Variants in KCND2 observed in about 807,000 individuals in gnomAD.
KCND2 encodes A-type voltage-gated potassium channel KCND2.
KCND2 carries 16 observed loss-of-function variants against 54.4 expected under a neutral mutation model. The observed-to-expected ratio is 0.29, with a 90% CI of 0.20 to 0.45. KCND2 has a LOEUF of 0.45. Among genes scored for constraint, KCND2 ranks in the 20% least tolerant of loss-of-function variants. The probability of loss-of-function intolerance (pLI) is 1.00; values close to 1 mark genes in which losing one functional copy is unlikely to be tolerated. For synonymous variants in KCND2, 317 were observed against 310.7 expected, an observed-to-expected ratio of 1.02 and a Z score of -0.21; for missense variants, 486 against 824.2, an observed-to-expected ratio of 0.59 and a Z score of 5.02.
chr7:120,416,192 A>G (rs6979386), intron 1 of KCND2, among the ~76,000 whole-genome samples: 37,728 of 152,022 alleles, frequency 0.25, 6,435 homozygotes, highest in East Asian at 0.57. Context: ...TTGAAAAGCT[A>G]ATATTATTAC....
chr7:120,355,974 A>C (rs913780250), intron 1 of KCND2, among the ~76,000 whole-genome samples: 2 of 152,178 alleles, frequency 1.3e-5, no homozygotes, highest in African/African-American at 4.8e-5. Flanking sequence ...AGAACATCGA[A>C]TCCATCTTTG....
intron 1 of KCND2, among the ~76,000 whole-genome samples, chr7:120,307,822 T>G (rs1799670113): frequency 6.6e-6 from 1 of 152,114 alleles, no homozygotes; most frequent in Non-Finnish European, 1.5e-5. Flanking sequence ...TCTGGGCTAT[T>G]TCATTAACAA....
intron 1 of KCND2, among the ~76,000 whole-genome samples, chr7:120,519,909 C>T (rs911026197): frequency 6.6e-6 from 1 of 151,956 alleles, no homozygotes; most frequent in African/African-American, 2.4e-5. Flanking sequence ...TTTATGCAAT[C>T]AAAGTTAATA....
At chr7:120,542,795 CT>C (rs1042183915) in intron 1 of KCND2, among the ~76,000 whole-genome samples, 1 of 152,136 alleles carries the variant, frequency 6.6e-6, no homozygotes, top group Non-Finnish European at 1.5e-5. Context: ...AAAATGATGT[CT>C]GTTTTAACAA....
intron 1 of KCND2, among the ~76,000 whole-genome samples, chr7:120,691,122 G>A (rs1792263312): frequency 6.6e-6 from 1 of 152,192 alleles, no homozygotes; most frequent in Non-Finnish European, 1.5e-5. Flanking sequence ...GTGGGCCAGG[G>A]AGTTAACCAG....
intron 1 of KCND2, 150 bp from the exon 2 acceptor site, chr7:120,732,753 T>C: frequency 3.4e-6 from 2 of 595,988 alleles, no homozygotes; most frequent in Non-Finnish European, 5.8e-6. Context: ...TTTCTGACAT[T>C]AAAGTCTGAA....
At chr7:120,337,429 CAG>C (rs1252746268) in intron 1 of KCND2, among the ~76,000 whole-genome samples, 2 of 152,144 alleles carry the variant, frequency 1.3e-5, no homozygotes, top group African/African-American at 2.4e-5. Flanking sequence ...TCTGTCAGCT[CAG>C]AGAGTATATA....
chr7:120,720,749 G>A (rs971363687), intron 1 of KCND2, among the ~76,000 whole-genome samples: 1 of 152,170 alleles, frequency 6.6e-6, no homozygotes, highest in Non-Finnish European at 1.5e-5. Flanking sequence ...GCCTCGTGCT[G>A]GTGGCAGCTT....
intron 1 of KCND2, among the ~76,000 whole-genome samples, chr7:120,575,900 C>A (rs962096977): frequency 1.3e-5 from 1 of 76,436 alleles, no homozygotes; most frequent in African/African-American, 4.7e-5. Context: ...ATGAGTTTAG[C>A]AATGTCTAAG....
At chr7:120,380,612 C>CT (rs1334296855) in intron 1 of KCND2, among the ~76,000 whole-genome samples, 1 of 151,858 alleles carries the variant, frequency 6.6e-6, no homozygotes, top group Non-Finnish European at 1.5e-5. Context: ...TGTGGCTTTG[C>CT]TTTTTTGTAT....
rs568901533 is a variant in KCND2 at position 120,490,918 on chromosome 7, A to T, written c.1115+215171A>T. Among the ~76,000 whole-genome samples the T allele has an allele frequency of 2.6e-5, 4 of 152,272 alleles. No homozygotes were observed. The East Asian group carries it at 7.7e-4, about 29-fold the overall frequency. On this transcript the variant is annotated intron_variant, in intron 1 of 5. Coordinates refer to ENST00000331113, the MANE Select transcript of KCND2 (RefSeq NM_012281.3). ...GCTGAAGTTATAACGAGATTTTGGG[A>T]ATCACAGCAGAAAGTACTTCCCCCA...
intron 1 of KCND2, among the ~76,000 whole-genome samples, chr7:120,325,030 G>T (rs1799954045): frequency 7.3e-6 from 1 of 137,110 alleles, no homozygotes; most frequent in Non-Finnish European, 1.6e-5. Flanking sequence ...CTTGTAAGTT[G>T]GATTCCTAGG....
chr7:120,704,540 A>C (rs560205075), intron 1 of KCND2, among the ~76,000 whole-genome samples: 186 of 152,322 alleles, frequency 1.2e-3, no homozygotes, highest in Middle Eastern at 6.8e-3. Flanking sequence ...TTCTGTTCAA[A>C]GAATATTTAA....
chr7:120,473,050 A>G (rs1289379739), intron 1 of KCND2, among the ~76,000 whole-genome samples: 1 of 152,186 alleles, frequency 6.6e-6, no homozygotes, highest in Non-Finnish European at 1.5e-5. Context: ...TCTGGTCACA[A>G]CTGGCCCTGA....
At chr7:120,601,458 A>G (rs773741980) in intron 1 of KCND2, among the ~76,000 whole-genome samples, 10 of 150,402 alleles carry the variant, frequency 6.6e-5, no homozygotes, top group Non-Finnish European at 1.2e-4. Flanking sequence ...GTAGAATAGC[A>G]TAAGTAAGGC....
At chr7:120,377,480 T>C (rs1439002493) in intron 1 of KCND2, among the ~76,000 whole-genome samples, 1 of 151,834 alleles carries the variant, frequency 6.6e-6, no homozygotes, top group African/African-American at 2.4e-5. Flanking sequence ...TAGTATGTTG[T>C]TAGATGCTTT....
At chr7:120,590,569 A>G (rs1049914520) in intron 1 of KCND2, among the ~76,000 whole-genome samples, 1 of 152,206 alleles carries the variant, frequency 6.6e-6, no homozygotes, top group Middle Eastern at 3.2e-3. Context: ...ATTTTCTTTC[A>G]TTAAATATAT....
intron 1 of KCND2, among the ~76,000 whole-genome samples, chr7:120,630,045 G>A (rs972878211): frequency 7.1e-6 from 1 of 140,302 alleles, no homozygotes; most frequent in Non-Finnish European, 1.6e-5. Flanking sequence ...AGGCCTAGCA[G>A]TGAGCACACC....
At chr7:120,487,206 A>C (rs115324082) in intron 1 of KCND2, among the ~76,000 whole-genome samples, 219 of 152,310 alleles carry the variant, frequency 1.4e-3, no homozygotes, top group African/African-American at 4.9e-3. Flanking sequence ...TCTTACTAGA[A>C]AAAAATAATG....
Sources: allele counts gnomAD v4.1 joint callset (sites outside exome capture counted in the v4.1 genomes callset), GRCh38; gene constraint gnomAD v4.1.1; transcripts MANE v1.5; gene names NCBI Gene and HGNC (gene_info 2026-07-23, HGNC 2026-07-21).